SASS6: variants seen among roughly 807,000 people sequenced by gnomAD.
SASS6 encodes the protein SAS-6 centriolar assembly protein, also known as spindle assembly abnormal protein 6 homolog.
In SASS6, 59 loss-of-function variants were observed where a neutral mutation model predicts 94.9. That is an observed-to-expected ratio of 0.62 (90% CI 0.50 to 0.77). The LOEUF is 0.77. Ranked by LOEUF, SASS6 falls within the 30% of genes least tolerant of loss-of-function variation. The pLI is 0.00. For missense variants in SASS6, 698 were observed against 734.1 expected (o/e 0.95, Z 0.57); for synonymous variants, 264 against 270.0 (o/e 0.98, Z 0.22).
chr1:100,128,589 G>A (rs537759428), intron 1 of SASS6, among the ~76,000 whole-genome samples: 2 of 152,224 alleles, frequency 1.3e-5, no homozygotes, highest in East Asian at 3.9e-4. Flanking sequence ...CTAGAAATAT[G>A]CTGTAGAAAA....
In SASS6 at chr1:100,132,873, T is replaced by C; in HGVS notation, c.-59A>G. 2 of 1,480,626 alleles carry C rather than the reference T, an allele frequency of 1.4e-6. No individual in the cohort carries two copies. The highest frequency in any genetic ancestry group is 1.9e-6 in the Non-Finnish European group (2 of 1,059,938). The allele number at this position is 1,480,626 out of a possible 1,614,324, so 91.7% of individuals were successfully genotyped here. On this transcript the variant is annotated 5_prime_UTR_variant, in exon 1 of 17. Coordinates refer to ENST00000287482, the MANE Select transcript of SASS6 (RefSeq NM_194292.3). ...GCCCAACAGGCCCGGCCCTCGGGAT[T>C]AGCCTGAGAGGTCCGGGTCCTGATA...
In SASS6 at chr1:100,101,453, T is replaced by C. The variant is rs531362536; in HGVS notation, c.1674+1502A>G. On this transcript the variant is annotated intron_variant, in intron 14 of 16. Coordinates refer to ENST00000287482, the MANE Select transcript of SASS6 (RefSeq NM_194292.3). ...ATAATTATTATAATGATTCCTCTGATTCCACAAGACCTATAAGAATGATAG... is the reference window on the plus strand; with the variant it reads ...ATAATTATTATAATGATTCCTCTGACTCCACAAGACCTATAAGAATGATAG... 5.3e-5 allele frequency among the ~76,000 whole-genome samples: 8 copies of C among 152,190 alleles called. No homozygotes were observed. The East Asian group carries it at 1.5e-3, about 29-fold the overall frequency.
At chr1:100,104,259 A>T (rs1652715737) in intron 13 of SASS6, among the ~76,000 whole-genome samples, 1 of 152,198 alleles carries the variant, frequency 6.6e-6, no homozygotes, top group South Asian at 2.1e-4. Flanking sequence ...GTATTCAGGC[A>T]TGATTATGAA....
intron 6 of SASS6, among the ~76,000 whole-genome samples, chr1:100,119,782 G>A (rs528008715): frequency 2.2e-4 from 34 of 152,130 alleles, no homozygotes; most frequent in Non-Finnish European, 3.7e-4. Context: ...AGCCATGACT[G>A]TAAACTTCCT....
At chr1:100,115,419 A>G (rs1653716987) in intron 7 of SASS6, among the ~76,000 whole-genome samples, 1 of 152,172 alleles carries the variant, frequency 6.6e-6, no homozygotes, top group African/African-American at 2.4e-5. Flanking sequence ...GTCTGTTTTC[A>G]ACAAATAAGA....
At chr1:100,100,675 T>C (rs1216315286) in intron 14 of SASS6, among the ~76,000 whole-genome samples, 2 of 152,270 alleles carry the variant, frequency 1.3e-5, no homozygotes, top group Non-Finnish European at 2.9e-5. Context: ...CATCCTTGAA[T>C]GTATTCAATC....
intron 14 of SASS6, among the ~76,000 whole-genome samples, chr1:100,088,628 T>C (rs1179440877): frequency 6.6e-6 from 1 of 151,828 alleles, no homozygotes; most frequent in East Asian, 1.9e-4. Context: ...TTAAATTTGT[T>C]TTCTGATAAA....
At chr1:100,099,196 A>C (rs1439364057) in intron 14 of SASS6, 1 of 152,798 alleles carries the variant, frequency 6.5e-6, no homozygotes, top group Non-Finnish European at 1.5e-5. Context: ...AAACACTACC[A>C]AGATAAAGAA....
intron 14 of SASS6, among the ~76,000 whole-genome samples, chr1:100,091,680 G>GA (rs1557879347): frequency 1.7e-5 from 2 of 120,136 alleles, no homozygotes; most frequent in South Asian, 5.6e-4. Flanking sequence ...TTTTAGAACA[G>GA]AAAAAAACCG....
chr1:100,096,679 T>A (rs1274153994), intron 14 of SASS6, among the ~76,000 whole-genome samples: 2 of 152,228 alleles, frequency 1.3e-5, no homozygotes, highest in African/African-American at 4.8e-5. Flanking sequence ...AACTTATAAT[T>A]CAATAAAAAG....
intron 2 of SASS6, among the ~76,000 whole-genome samples, chr1:100,123,805 C>G (rs1654377121): frequency 6.6e-6 from 1 of 152,262 alleles, no homozygotes. Flanking sequence ...AGAGCCTATT[C>G]TCTCCTAGGC....
Position 100,105,764 on chromosome 1 carries a change from T to G in SASS6, c.1545+3A>C, listed in dbSNP as rs776294421. 1 of 1,610,166 alleles carries G rather than the reference T, an allele frequency of 6.2e-7. No individual in the cohort carries two copies. Among genetic ancestry groups the G allele is most frequent in the Non-Finnish European group, 8.5e-7 (1 of 1,178,694 alleles). Reference sequence around the variant, plus strand: ...ATCACTCACATCTTGTTTTAAATCTTACCACATTCAGGTTAGGAGAAATTC... The same window carrying G: ...ATCACTCACATCTTGTTTTAAATCTGACCACATTCAGGTTAGGAGAAATTC... On this transcript the variant is annotated splice_donor_region_variant and intron_variant, in intron 13 of 16. Transcript: ENST00000287482.
intron 14 of SASS6, among the ~76,000 whole-genome samples, chr1:100,089,530 C>T (rs1245648480): frequency 6.6e-6 from 1 of 152,034 alleles, no homozygotes; most frequent in Non-Finnish European, 1.5e-5. Flanking sequence ...ATAAAGGAAA[C>T]ATTATATATA....
intron 1 of SASS6, among the ~76,000 whole-genome samples, chr1:100,127,426 GACTTGTA>G (rs544178874): frequency 4.0e-4 from 61 of 152,202 alleles, no homozygotes; most frequent in African/African-American, 1.3e-3. Context: ...TTTTAATGCT[GACTTGTA>G]ATTTTATATG....
intron 13 of SASS6, among the ~76,000 whole-genome samples, chr1:100,105,543 A>G (rs1652837947): frequency 6.6e-6 from 1 of 152,102 alleles, no homozygotes; most frequent in Non-Finnish European, 1.5e-5. Flanking sequence ...AAAACAAAAC[A>G]AAACAAAAAA....
At position 100,125,924 on chromosome 1, in the gene SASS6, C is replaced by G. The variant is rs973093869; in HGVS notation, c.84G>C (p.Met28Ile). The change falls in exon 2 of 17, where the codon ATG becomes ATC. Residue 28 changes from methionine (M) to isoleucine (I), a missense_variant. Transcript: ENST00000287482. ...TAGAAACTGATTGTAGTTCAATGCTCATTCTTATACTTACTCTCCTGTAGG... is the reference window on the plus strand; with the variant it reads ...TAGAAACTGATTGTAGTTCAATGCTGATTCTTATACTTACTCTCCTGTAGG... The part of the protein sequence containing the change: ...DCEERRVSIR[M>I]SIELQSVSNP... The G allele has an allele frequency of 6.5e-7, 1 of 1,549,314 alleles. No homozygotes were observed. The highest frequency in any genetic ancestry group is 1.4e-5 in the African/African-American group (1 of 72,404).
At position 100,107,633 on chromosome 1, in the gene SASS6, G is replaced by A. The variant is rs139300260; in HGVS notation, c.1141C>T (p.Leu381=). ...ATAAAATTTTTAAAACAAACCTTCA[G>A]AAGTTCTGCAGATAATGATTTTATT... ...ATIKSLSAEL[L]KANEIIKKLQ... The change falls in exon 10 of 17, where the codon CTG becomes TTG. Residue 381 remains leucine (L), a synonymous_variant. Transcript: ENST00000287482. The A allele has an allele frequency of 2.1e-5, 34 of 1,592,742 alleles. No homozygotes were observed. In the South Asian group the frequency reaches 3.9e-4, roughly 18 times the overall value.
intron 7 of SASS6, among the ~76,000 whole-genome samples, chr1:100,110,688 C>T (rs911242428): frequency 3.3e-5 from 5 of 151,802 alleles, no homozygotes; most frequent in Admixed American, 6.6e-5. Context: ...GCAAGGTCAA[C>T]AAAAGCAAAT....
At chr1:100,131,729 C>CAA (rs1158148008) in intron 1 of SASS6, among the ~76,000 whole-genome samples, 2 of 152,154 alleles carry the variant, frequency 1.3e-5, no homozygotes, top group Non-Finnish European at 2.9e-5. Flanking sequence ...GAATTCTGAA[C>CAA]TATATATACT....
Sources: allele counts gnomAD v4.1 joint callset (sites outside exome capture counted in the v4.1 genomes callset), GRCh38; gene constraint gnomAD v4.1.1; transcripts MANE v1.5; gene names NCBI Gene and HGNC (gene_info 2026-07-23, HGNC 2026-07-21).